The following CDH13 variants were observed in gnomAD, a reference collection of about 807,000 sequenced individuals.
The protein encoded by CDH13 is cadherin-13.
A neutral mutation model predicts 63.8 loss-of-function variants in CDH13; 24 were observed. The observed-to-expected ratio is 0.38, with a 90% confidence interval of 0.27 to 0.53. CDH13 has a LOEUF of 0.53. Among genes scored for constraint, CDH13 ranks in the 20% least tolerant of loss-of-function variants. The probability of loss-of-function intolerance (pLI) is 0.85; values close to 1 mark genes in which losing one functional copy is unlikely to be tolerated. For missense variants in CDH13, 1,049 were observed against 903.1 expected (o/e 1.16, Z -2.07); for synonymous variants, 503 against 355.3 (o/e 1.42, Z -4.67).
chr16:83,030,127 A>G (rs1457643078), intron 2 of CDH13, among the ~76,000 whole-genome samples: 1 of 152,140 alleles, frequency 6.6e-6, no homozygotes, highest in East Asian at 1.9e-4. Flanking sequence ...CAGGGGGCCC[A>G]TCTTCCCTAT....
intron 4 of CDH13, among the ~76,000 whole-genome samples, chr16:83,127,923 C>A (rs930014774): frequency 6.6e-6 from 1 of 152,132 alleles, no homozygotes; most frequent in Non-Finnish European, 1.5e-5. Context: ...TAGCCCTGTC[C>A]CCTTGGGCAG....
At chr16:82,928,011 G>T (rs1375706279) in intron 2 of CDH13, among the ~76,000 whole-genome samples, 1 of 152,172 alleles carries the variant, frequency 6.6e-6, no homozygotes, top group Non-Finnish European at 1.5e-5. Flanking sequence ...TGTTTTTGCT[G>T]TGTATCTCTC....
At chr16:82,868,741 G>C (rs140256896) in intron 2 of CDH13, among the ~76,000 whole-genome samples, 12 of 152,308 alleles carry the variant, frequency 7.9e-5, no homozygotes, top group South Asian at 2.1e-4. Context: ...GTGAGAATTT[G>C]AGGTGTTTGA....
At chr16:83,314,507 A>G (rs764467297) in intron 5 of CDH13, among the ~76,000 whole-genome samples, 10 of 152,170 alleles carry the variant, frequency 6.6e-5, no homozygotes, top group Non-Finnish European at 1.0e-4. Flanking sequence ...AATATGATCA[A>G]TATGCCTCAT....
At chr16:82,660,920 T>C (rs559578851) in intron 1 of CDH13, among the ~76,000 whole-genome samples, 109 of 151,358 alleles carry the variant, frequency 7.2e-4, no homozygotes, top group Non-Finnish European at 1.4e-3. Flanking sequence ...TTAACATTCA[T>C]TAAGTTTCTT....
At chr16:83,171,389 C>T (rs1359048287) in intron 4 of CDH13, 4 of 761,110 alleles carry the variant, frequency 5.3e-6, no homozygotes. Flanking sequence ...CAGGCCCCAC[C>T]TCCAACATGG....
intron 4 of CDH13, among the ~76,000 whole-genome samples, chr16:83,190,473 C>G (rs1203210633): frequency 1.3e-5 from 2 of 152,152 alleles, no homozygotes; most frequent in Non-Finnish European, 2.9e-5. Context: ...TTCCAATTGT[C>G]CTTTATTTTC....
At chr16:83,254,482 C>A (rs1440615237) in intron 5 of CDH13, among the ~76,000 whole-genome samples, 2 of 152,182 alleles carry the variant, frequency 1.3e-5, no homozygotes, top group African/African-American at 4.8e-5. Flanking sequence ...CCTCAGCCAA[C>A]AAGGCACGCA....
chr16:83,413,503 C>T (rs1429302417), intron 6 of CDH13, among the ~76,000 whole-genome samples: 2 of 152,188 alleles, frequency 1.3e-5, no homozygotes, highest in Non-Finnish European at 2.9e-5. Context: ...GAATAAATTT[C>T]ATTATGCAAT....
chr16:83,322,884 G>C (rs575160341), intron 5 of CDH13, among the ~76,000 whole-genome samples: 14 of 152,154 alleles, frequency 9.2e-5, no homozygotes, highest in African/African-American at 3.4e-4. Context: ...TGATTTTTTA[G>C]AGAAGGATGA....
chr16:82,802,642 G>A (rs1026075977), intron 1 of CDH13, among the ~76,000 whole-genome samples: 6 of 152,090 alleles, frequency 3.9e-5, no homozygotes, highest in African/African-American at 7.2e-5. Flanking sequence ...GTCTCCAACC[G>A]CATCTTATAA....
In CDH13 at chr16:82,644,367, C is replaced by CT. The variant is rs1368994291; in HGVS notation, c.45+17230_45+17231insT. ...CGTCTCCCTCTGTGCTCTCCATCAC[C>CT]CCCCTACGGAGTTCCTTTGATTCTC... On this transcript the variant is annotated intron_variant, in intron 1 of 13. Transcript: ENST00000567109. This position sits in a 1 kb window ranked among gnomAD's most constrained non-coding sequence, Gnocchi z 5.7. 3.9e-5 allele frequency among the ~76,000 whole-genome samples: 6 copies of CT among 152,224 alleles called. No individual in the cohort carries two copies. The East Asian group carries it at 7.7e-4, about 20-fold the overall frequency.
At chr16:83,522,164 C>T (rs573185017) in intron 7 of CDH13, among the ~76,000 whole-genome samples, 13 of 152,314 alleles carry the variant, frequency 8.5e-5, no homozygotes, top group South Asian at 4.2e-4. Context: ...CTCTGGCTTG[C>T]GCTTTAATGT....
chr16:83,147,025 C>T (rs940661947), intron 4 of CDH13, among the ~76,000 whole-genome samples: 4 of 151,998 alleles, frequency 2.6e-5, no homozygotes, highest in Non-Finnish European at 5.9e-5. Flanking sequence ...GAGGTGGAGG[C>T]TACAGTGAGA....
chr16:83,044,910 A>G (rs1038283221), intron 3 of CDH13, among the ~76,000 whole-genome samples: 37 of 152,168 alleles, frequency 2.4e-4, no homozygotes, highest in Admixed American at 1.4e-3. Context: ...ATAGGATAGA[A>G]CAAGATAATG....
intron 8 of CDH13, among the ~76,000 whole-genome samples, chr16:83,649,807 C>T (rs1277219229): frequency 6.6e-6 from 1 of 152,150 alleles, no homozygotes; most frequent in African/African-American, 2.4e-5. Context: ...GGGTCTAGAG[C>T]CCACTTTGCA....
intron 3 of CDH13, among the ~76,000 whole-genome samples, chr16:83,033,278 A>G (rs1325737221): frequency 3.3e-5 from 5 of 152,084 alleles, no homozygotes; most frequent in Non-Finnish European, 7.3e-5. Context: ...ATATGTATAT[A>G]TGTATATGTA....
intron 7 of CDH13, among the ~76,000 whole-genome samples, chr16:83,505,631 C>T (rs1002980386): frequency 1.3e-5 from 2 of 150,882 alleles, no homozygotes; most frequent in African/African-American, 4.9e-5. Flanking sequence ...ACAATCTCCA[C>T]CTCCCAGGTT....
intron 2 of CDH13, among the ~76,000 whole-genome samples, chr16:83,002,364 A>G (rs1345247345): frequency 6.6e-6 from 1 of 152,216 alleles, no homozygotes; most frequent in African/African-American, 2.4e-5. Context: ...ACCTGGAGCC[A>G]CAGGAAGCTG....
Sources: allele counts gnomAD v4.1 joint callset (sites outside exome capture counted in the v4.1 genomes callset), GRCh38; gene constraint gnomAD v4.1.1; non-coding constraint Gnocchi (gnomAD v3.1); transcripts MANE v1.5; gene names NCBI Gene and HGNC (gene_info 2026-07-23, HGNC 2026-07-21).